The following DPF2 variants were observed in gnomAD, a reference collection of about 807,000 sequenced individuals.
DPF2 encodes the protein zinc finger protein ubi-d4.
A neutral mutation model predicts 59.6 loss-of-function variants in DPF2; 10 were observed. That is an observed-to-expected ratio of 0.17 (90% CI 0.10 to 0.28). DPF2 has a LOEUF of 0.28. Among genes scored for constraint, DPF2 ranks in the 10% least tolerant of loss-of-function variants. DPF2 has a pLI of 1.00. For synonymous variants in DPF2, 189 were observed against 190.6 expected (o/e 0.99, Z 0.07); for missense variants, 315 against 509.4 (o/e 0.62, Z 3.67).
rs1255297971 is a variant in DPF2, at chr11:65,352,543, C to G, written c.*784C>G. On this transcript the variant is annotated 3_prime_UTR_variant, in exon 11 of 11. Coordinates refer to ENST00000528416, the MANE Select transcript of DPF2 (RefSeq NM_006268.5). ...GGATCAGGGGGCCAGGCCAGCAGCT[C>G]GGGGGCCACAAGGAGATGGATAATG... 6.6e-6 allele frequency: 1 copy of G among 152,616 alleles called. No homozygotes were observed. The highest frequency in any genetic ancestry group is 2.1e-4 in the South Asian group (1 of 4,816). The allele number at this position is 152,616 out of a possible 1,614,324, so 9.5% of individuals were successfully genotyped here. A position where few individuals can be genotyped will look rare whatever the true frequency, so the allele number is the denominator to read the frequency against.
At chr11:65,339,943 G>A (rs968049887) in intron 1 of DPF2, among the ~76,000 whole-genome samples, 7 of 152,200 alleles carry the variant, frequency 4.6e-5, no homozygotes, top group Non-Finnish European at 7.3e-5. Context: ...AGACCTTGGG[G>A]CAAGGATGTG....
intron 7 of DPF2, 24 bp from the exon 8 acceptor site, chr11:65,345,906 C>T (rs1435714024): frequency 6.2e-7 from 1 of 1,613,810 alleles, no homozygotes; most frequent in African/African-American, 1.3e-5. Flanking sequence ...CCATGGGTGT[C>T]ATCAAAACTC....
intron 1 of DPF2, among the ~76,000 whole-genome samples, chr11:65,337,547 A>AGAGAGG (rs1251201046): frequency 1.4e-4 from 19 of 131,670 alleles, no homozygotes; most frequent in East Asian, 8.9e-4. Flanking sequence ...AGAGAGAGAG[A>AGAGAGG]ACAATGTTAA....
chr11:65,345,272 T>G, intron 6 of DPF2: 1 of 193,658 alleles, frequency 5.2e-6, no homozygotes, highest in Non-Finnish European at 1.1e-5. Flanking sequence ...AAGTTTGGAG[T>G]CTTATCCACT....
chr11:65,344,774 T>C, intron 6 of DPF2: 1 of 802,284 alleles, frequency 1.2e-6, no homozygotes, highest in Non-Finnish European at 2.0e-6. Flanking sequence ...TGTGCTCTAC[T>C]CCTCAAAGTC....
rs1185803019 is a variant in DPF2 at position 65,352,939 on chromosome 11, C to T, written c.*1180C>T. 2 of 152,114 alleles carry T rather than the reference C, an allele frequency of 1.3e-5. No individual in the cohort carries two copies. The highest frequency in any genetic ancestry group is 2.9e-5 in the Non-Finnish European group (2 of 68,026). The allele number at this position is 152,114 out of a possible 1,614,324, so 9.4% of individuals were successfully genotyped here. On this transcript the variant is annotated 3_prime_UTR_variant, in exon 11 of 11. Transcript: ENST00000528416. The stretch of plus-strand genomic sequence containing the variant: ...TCTTTTTTTTTTCTTTCTTTAGTTC[C>T]TGTATTCTAAACATTAGTAAAAATA...
In DPF2 at chr11:65,346,416, GCA is replaced by G. The variant is rs1439549293; in HGVS notation, c.1017+60_1017+61del. The G allele has an allele frequency of 2.8e-5, 42 of 1,486,836 alleles. No individual in the cohort carries two copies. In the Admixed American group the frequency reaches 7.0e-4, roughly 25 times the overall value. The allele number at this position is 1,486,836 out of a possible 1,614,324, so 92.1% of individuals were successfully genotyped here. Reference sequence around the variant, plus strand: ...TCCTTCTGGGCTTTTACTGCTGTTTGCACAGTTCCCTCTAAAGTGAGCTTTCT... The same window carrying G: ...TCCTTCTGGGCTTTTACTGCTGTTTGCAGTTCCCTCTAAAGTGAGCTTTCT... On this transcript the variant is annotated intron_variant, in intron 9 of 10. Coordinates refer to ENST00000528416, the MANE Select transcript of DPF2 (RefSeq NM_006268.5).
chr11:65,337,498 TATATATAGAGAGAGAGAGAGAGAGAG>T (rs1443109126), intron 1 of DPF2, among the ~76,000 whole-genome samples: 3 of 48,030 alleles, frequency 6.2e-5, no homozygotes, highest in African/African-American at 2.5e-4. Flanking sequence ...TATATATATA[TATATATAGAGAGAGAGAGAGAGAGAG>T]AGAGAGAGAG....
intron 6 of DPF2, chr11:65,344,878 G>A: frequency 1.9e-6 from 1 of 518,956 alleles, no homozygotes; most frequent in Non-Finnish European, 3.4e-6. Context: ...GCATTATCAG[G>A]AGCCCATTAC....
At chr11:65,350,482 C>T (rs753764312) in intron 10 of DPF2, among the ~76,000 whole-genome samples, 16 of 147,544 alleles carry the variant, frequency 1.1e-4, no homozygotes, top group Non-Finnish European at 2.2e-4. Flanking sequence ...CTCAGGTAAT[C>T]TGGTAATCCT....
At chr11:65,337,504 T>TATATATATATAGAG (rs1282367012) in intron 1 of DPF2, among the ~76,000 whole-genome samples, 1 of 21,396 alleles carries the variant, frequency 4.7e-5, no homozygotes, top group Non-Finnish European at 8.1e-5. Flanking sequence ...TATATATATA[T>TATATATATATAGAG]AGAGAGAGAG....
In DPF2 at chr11:65,340,620, A is replaced by G; in HGVS notation, c.193+75A>G. The G allele has an allele frequency of 3.8e-6, 6 of 1,569,674 alleles. No homozygotes were observed. The South Asian group carries it at 7.0e-5, about 18-fold the overall frequency. ...AAGCCTCCTCATCTTAGGTGATGAGACAGTTGATAGGGTTTTCCCTACTGC... is the reference window on the plus strand; with the variant it reads ...AAGCCTCCTCATCTTAGGTGATGAGGCAGTTGATAGGGTTTTCCCTACTGC... On this transcript the variant is annotated intron_variant, in intron 2 of 10. Transcript: ENST00000528416.
rs1271854684 is a variant in DPF2 at position 65,344,155 on chromosome 11, G to A, written c.637+86G>A. On this transcript the variant is annotated intron_variant, in intron 6 of 10. Transcript: ENST00000528416. ...TGAGAGGAGGGAGGGTTGTGTTTTTGCCCAGAGTATTAAAACAAACCTGGG... is the reference window on the plus strand; with the variant it reads ...TGAGAGGAGGGAGGGTTGTGTTTTTACCCAGAGTATTAAAACAAACCTGGG... 7 of 1,412,974 alleles carry A rather than the reference G, an allele frequency of 5.0e-6. No individual in the cohort carries two copies. In the East Asian group the frequency reaches 1.4e-4, roughly 28 times the overall value. 87.5% of individuals were successfully genotyped at this position (1,412,974 alleles called of 1,614,324 possible).
chr11:65,350,332 G>GTTTTC (rs1378763661), intron 10 of DPF2, among the ~76,000 whole-genome samples: 1 of 148,748 alleles, frequency 6.7e-6, no homozygotes, highest in African/African-American at 2.5e-5. Context: ...CTTGCAAGCT[G>GTTTTC]TTTTGTTTTC....
intron 1 of DPF2, among the ~76,000 whole-genome samples, chr11:65,337,858 G>T (rs1404933232): frequency 6.6e-6 from 1 of 152,006 alleles, no homozygotes; most frequent in Non-Finnish European, 1.5e-5. Flanking sequence ...AGGCTGGAGT[G>T]CAATGGCGCA....
intron 3 of DPF2, 33 bp from the exon 4 acceptor site, chr11:65,341,366 T>A: frequency 6.2e-7 from 1 of 1,613,044 alleles, no homozygotes; most frequent in East Asian, 2.2e-5. Context: ...TTCAGCCCTT[T>A]TGAGCCTTGC....
intron 1 of DPF2, among the ~76,000 whole-genome samples, chr11:65,337,490 TATATATATATATATAGAG>T (rs1325286351): frequency 2.1e-4 from 14 of 67,012 alleles, no homozygotes; most frequent in South Asian, 5.7e-4. Context: ...TATATATATA[TATATATATATATATAGAG>T]AGAGAGAGAG....
chr11:65,348,054 G>A (rs1401255231), intron 9 of DPF2: 2 of 152,390 alleles, frequency 1.3e-5, no homozygotes, highest in African/African-American at 4.8e-5. Context: ...AGAGGCTGAG[G>A]CGGGAGGATC....
intron 10 of DPF2, among the ~76,000 whole-genome samples, chr11:65,350,200 C>T (rs1854652408): frequency 6.6e-6 from 1 of 152,066 alleles, no homozygotes; most frequent in Non-Finnish European, 1.5e-5. Context: ...CCCGAGTGTC[C>T]TCACTGTAGT....
Sources: allele counts gnomAD v4.1 joint callset (sites outside exome capture counted in the v4.1 genomes callset), GRCh38; gene constraint gnomAD v4.1.1; transcripts MANE v1.5; gene names NCBI Gene and HGNC (gene_info 2026-07-23, HGNC 2026-07-21).